The following ZNF592 variants were observed in gnomAD, a reference collection of about 807,000 sequenced individuals.
ZNF592 encodes spinocerebellar ataxia, autosomal recessive 5.
In ZNF592, 11 loss-of-function variants were observed where a neutral mutation model predicts 80.3. The ratio of observed to expected loss-of-function variants is 0.14; its 90% CI spans 0.09 to 0.23. The LOEUF (loss-of-function observed/expected upper bound fraction) is 0.23. Ranked by LOEUF, ZNF592 falls within the 10% of genes least tolerant of loss-of-function variation. The pLI is 1.00. For missense variants in ZNF592, 1,420 were observed against 1,633.9 expected (o/e 0.87, Z 2.26); for synonymous variants, 646 against 640.3 (o/e 1.01, Z -0.13).
At chr15:84,759,954 T>TGCC (rs1899294129) in intron 1 of ZNF592, among the ~76,000 whole-genome samples, 1 of 49,718 alleles carries the variant, frequency 2.0e-5, no homozygotes, top group East Asian at 1.1e-3. Flanking sequence ...TTGGGGAGAT[T>TGCC]CCCCCCCCCC....
At chr15:84,754,333 G>C (rs1006452768) in intron 1 of ZNF592, 2 of 152,154 alleles carry the variant, frequency 1.3e-5, no homozygotes, top group Non-Finnish European at 2.9e-5. Flanking sequence ...AGGATGAGGT[G>C]GGCGGATCAC....
At chr15:84,782,094 C>G (rs2141984258) in intron 3 of ZNF592, among the ~76,000 whole-genome samples, 1 of 152,158 alleles carries the variant, frequency 6.6e-6, no homozygotes, top group Non-Finnish European at 1.5e-5. Context: ...AGAAAAAATA[C>G]CTAGGGATGA....
At chr15:84,753,207 TAG>T in intron 1 of ZNF592, 1 of 152,286 alleles carries the variant, frequency 6.6e-6, no homozygotes, top group East Asian at 1.9e-4. Flanking sequence ...GAGCGTTCCA[TAG>T]AGTTAGGTTA....
In ZNF592 at chr15:84,798,734, C is replaced by A; in HGVS notation, c.2883C>A (p.Gly961=). 1 of 1,610,908 alleles carries A rather than the reference C, an allele frequency of 6.2e-7. No individual in the cohort carries two copies. ...CTCGGAGCAGCTCCCTGCCTTCTGG[C>A]CGCTGGGGTAGGCCTGAAGCCCACC... The part of the protein sequence containing the change: ...VAARSSSLPS[G]RWGRPEAHRR... Residue 961 remains glycine, a synonymous_variant, in exon 8 of 11, where the codon GGC becomes GGA. Coordinates refer to ENST00000560079, the MANE Select transcript of ZNF592 (RefSeq NM_014630.3). This position sits in a 1 kb window ranked among gnomAD's most constrained non-coding sequence, Gnocchi z 4.5.
Position 84,798,766 on chromosome 15 carries a change from T to C in ZNF592, c.2915T>C (p.Val972Ala). 6.2e-7 allele frequency: 1 copy of C among 1,606,562 alleles called. No homozygotes were observed. The highest frequency in any genetic ancestry group is 8.5e-7 in the Non-Finnish European group (1 of 1,179,718). The part of the protein sequence containing the change: ...RWGRPEAHRR[V>A]EARPRLRNTG... Reference sequence around the variant, plus strand: ...GGTAGGCCTGAAGCCCACCGCAGGGTGGAAGCCAGGCCGCGGCTGAGGAAC... The same window carrying C: ...GGTAGGCCTGAAGCCCACCGCAGGGCGGAAGCCAGGCCGCGGCTGAGGAAC... Residue 972 changes from valine to alanine, a missense_variant, in exon 8 of 11, where the codon GTG becomes GCG. Transcript: ENST00000560079. The surrounding 1 kb of genome is among the most constrained non-coding windows in gnomAD (Gnocchi z 4.5).
chr15:84,765,327 A>G lies in ZNF592; in HGVS notation c.-150+512A>G, dbSNP rs552461617. On this transcript the variant is annotated intron_variant, in intron 2 of 10. Coordinates refer to ENST00000560079, the MANE Select transcript of ZNF592 (RefSeq NM_014630.3). ...TGTTATGAATAATCCTGCTATGAAC[A>G]TGGGTGTACAAGTATCTTGTGTCCT... Among the ~76,000 whole-genome samples the G allele has an allele frequency of 3.3e-5, 5 of 152,280 alleles. No individual in the cohort carries two copies. In the East Asian group the frequency reaches 9.6e-4, roughly 29 times the overall value.
At chr15:84,749,897 A>T (rs1898963131) in intron 1 of ZNF592, among the ~76,000 whole-genome samples, 1 of 152,232 alleles carries the variant, frequency 6.6e-6, no homozygotes, top group Non-Finnish European at 1.5e-5. Flanking sequence ...CATTAAATAA[A>T]TTTTTACTGA....
intron 5 of ZNF592, among the ~76,000 whole-genome samples, chr15:84,795,127 C>T (rs1255679762): frequency 6.6e-6 from 1 of 151,022 alleles, no homozygotes; most frequent in Admixed American, 6.6e-5. Context: ...AATATGCATA[C>T]ACATATATTT....
chr15:84,775,771 T>A (rs1425054449), intron 2 of ZNF592, among the ~76,000 whole-genome samples: 4 of 152,186 alleles, frequency 2.6e-5, no homozygotes. Context: ...TCCAATAGGG[T>A]GATTCGGCAT....
rs142457154 is a variant in ZNF592, at chr15:84,793,157, A to G, written c.2399+2274A>G. On this transcript the variant is annotated intron_variant, in intron 5 of 10. Transcript: ENST00000560079. ...AGTGGCAGCATCTTGGCTTACTGCA[A>G]TCTCCACCTCTCGAGTTCAAGCAAT... Among the ~76,000 whole-genome samples, 607 of 152,224 alleles carry G rather than the reference A, an allele frequency of 4.0e-3. 2 individuals carry two copies. The highest frequency in any genetic ancestry group is 0.014 in the African/African-American group (572 of 41,530).
rs552612165 is a variant in ZNF592, at chr15:84,751,733, T to C, written c.-259+3069T>C. Among the ~76,000 whole-genome samples the C allele has an allele frequency of 7.2e-5, 11 of 151,806 alleles. No homozygotes were observed. In the South Asian group the frequency reaches 2.3e-3, roughly 32 times the overall value. ...CATCCTGGCCAACATGGCGAAACCC[T>C]GTCTCTACTAAAAATATAAAAATTA... On this transcript the variant is annotated intron_variant, in intron 1 of 10. Coordinates refer to ENST00000560079, the MANE Select transcript of ZNF592 (RefSeq NM_014630.3).
chr15:84,796,707 T>TAA (rs138539606), intron 5 of ZNF592, among the ~76,000 whole-genome samples: 1 of 148,704 alleles, frequency 6.7e-6, no homozygotes, highest in Admixed American at 6.7e-5. Context: ...TTATGCATTG[T>TAA]AAAAAAAAAA....
chr15:84,799,818 G>C lies in ZNF592; in HGVS notation c.3138-24G>C, dbSNP rs1963039181. The stretch of plus-strand genomic sequence containing the variant: ...GAGCCTGCGGCCCGGGCACTTACCT[G>C]ACCTCTCCGCTGTGCTTCTGCAGGT... On this transcript the variant is annotated intron_variant, in intron 9 of 10. Transcript: ENST00000560079. This position sits in a 1 kb window ranked among gnomAD's most constrained non-coding sequence, Gnocchi z 4.2. 6.2e-7 allele frequency: 1 copy of C among 1,613,380 alleles called. No individual in the cohort carries two copies. The highest frequency in any genetic ancestry group is 8.5e-7 in the Non-Finnish European group (1 of 1,180,000).
At chr15:84,775,207 G>C (rs1016424053) in intron 2 of ZNF592, among the ~76,000 whole-genome samples, 2 of 150,170 alleles carry the variant, frequency 1.3e-5, no homozygotes, top group African/African-American at 2.5e-5. Context: ...GCGATTCTCC[G>C]GTCTCAGCCT....
chr15:84,801,950 A>G lies in ZNF592; in HGVS notation c.3361A>G (p.Lys1121Glu). 1 of 1,613,950 alleles carries G rather than the reference A, an allele frequency of 6.2e-7. No homozygotes were observed. Among genetic ancestry groups the G allele is most frequent in the Non-Finnish European group, 8.5e-7 (1 of 1,179,854 alleles). ...AACTGTCTCTTCCACCAAAAGGCAC[A>G]AGTCCCTTTTTCAGTGCGCGAAATG... ...GATVSSTKRHKSLFQCAKCSF... is the reference protein window; with the variant it reads ...GATVSSTKRHESLFQCAKCSF... Residue 1121 changes from lysine (K) to glutamate (E), a missense_variant, in exon 11 of 11, where the codon AAG (lysine) becomes GAG (glutamate). Lys to Glu is a moderately conservative substitution (Grantham distance 56, BLOSUM62 1). This residue lies in a region of ZNF592 where 145 missense variants were observed against 211.9 expected (regional missense o/e 0.68). Coordinates refer to ENST00000560079, the MANE Select transcript of ZNF592 (RefSeq NM_014630.3).
At chr15:84,773,457 C>A (rs985992783) in intron 2 of ZNF592, among the ~76,000 whole-genome samples, 8 of 151,928 alleles carry the variant, frequency 5.3e-5, no homozygotes, top group Non-Finnish European at 1.2e-4. Flanking sequence ...GTGATCCACC[C>A]GCCTCGACCT....
At chr15:84,781,144 G>A (rs1053142309) in intron 3 of ZNF592, among the ~76,000 whole-genome samples, 51 of 152,188 alleles carry the variant, frequency 3.4e-4, no homozygotes, top group African/African-American at 1.2e-3. Flanking sequence ...CACCTCCTGG[G>A]ATCAAGTGAT....
rs764240693 is a variant in ZNF592, at chr15:84,798,681, A to G, written c.2830A>G (p.Thr944Ala). 6.2e-7 allele frequency: 1 copy of G among 1,613,456 alleles called. No homozygotes were observed. The highest frequency in any genetic ancestry group is 8.5e-7 in the Non-Finnish European group (1 of 1,179,994). The change falls in exon 8 of 11, where the codon ACT becomes GCT. Residue 944 changes from threonine (T) to alanine (A), a missense_variant. Thr to Ala is a moderately conservative substitution (Grantham distance 58, BLOSUM62 0). Around this residue, in one of 7 missense-constraint regions of ZNF592, gnomAD observed 331 missense variants for 347.0 expected, o/e 0.95. Coordinates refer to ENST00000560079, the MANE Select transcript of ZNF592 (RefSeq NM_014630.3). This position sits in a 1 kb window ranked among gnomAD's most constrained non-coding sequence, Gnocchi z 4.5. ...SSSRPGSRVPTEPPATSVAAR... is the reference protein window; with the variant it reads ...SSSRPGSRVPAEPPATSVAAR... ...AAGCCGCCCTGGCTCTCGAGTTCCCACTGAGCCACCAGCCACTAGTGTGGC... is the reference window on the plus strand; with the variant it reads ...AAGCCGCCCTGGCTCTCGAGTTCCCGCTGAGCCACCAGCCACTAGTGTGGC...
chr15:84,793,955 T>C (rs770219188), intron 5 of ZNF592, among the ~76,000 whole-genome samples: 1 of 152,194 alleles, frequency 6.6e-6, no homozygotes, highest in Non-Finnish European at 1.5e-5. Flanking sequence ...ATAATATGAA[T>C]AATGCTGCTG....
Sources: allele counts gnomAD v4.1 joint callset (sites outside exome capture counted in the v4.1 genomes callset), GRCh38; gene constraint gnomAD v4.1.1; regional missense constraint gnomAD v4.1.1; non-coding constraint Gnocchi (gnomAD v3.1); transcripts MANE v1.5; gene names NCBI Gene and HGNC (gene_info 2026-07-23, HGNC 2026-07-21).